Variants in TNFAIP8 observed in about 807,000 individuals in gnomAD.
TNFAIP8 encodes tumor necrosis factor alpha-induced protein 8.
Under a neutral mutation model 13.3 loss-of-function variants are expected in TNFAIP8, and 7 were observed. The ratio of observed to expected loss-of-function variants is 0.52; its 90% CI spans 0.30 to 0.99. The LOEUF is 0.99. TNFAIP8 is among the 50% of genes least tolerant of loss of function. The pLI is 0.07. For synonymous variants in TNFAIP8, 94 were observed against 87.6 expected, an observed-to-expected ratio of 1.07 and a Z score of -0.41; for missense variants, 258 against 236.9, an observed-to-expected ratio of 1.09 and a Z score of -0.58.
At chr5:119,302,791 C>T (rs1056597118) in intron 1 of TNFAIP8, among the ~76,000 whole-genome samples, 5 of 152,226 alleles carry the variant, frequency 3.3e-5, no homozygotes, top group African/African-American at 1.2e-4. Flanking sequence ...ACTCTCTTAT[C>T]ATATGCTGAG....
At chr5:119,368,458 TGC>T (rs61235714) in intron 1 of TNFAIP8, among the ~76,000 whole-genome samples, 4,710 of 94,442 alleles carry the variant, frequency 0.05, 288 homozygotes, top group African/African-American at 0.17. Flanking sequence ...TGTGTGTGTG[TGC>T]GTGTGTGTGT....
At chr5:119,307,350 C>T (rs902547478) in intron 1 of TNFAIP8, among the ~76,000 whole-genome samples, 1 of 152,106 alleles carries the variant, frequency 6.6e-6, no homozygotes, top group African/African-American at 2.4e-5. Flanking sequence ...TACATACAAG[C>T]AATTATATTT....
Position 119,369,187 on chromosome 5 carries a change from G to A in TNFAIP8, c.31+13066G>A, listed in dbSNP as rs925676217. ...TCCTCCCTCAGCCTCCCAAGTAGGT[G>A]GGATTATGGGCACCCATGACCATGC... On this transcript the variant is annotated intron_variant, in intron 1 of 1. Transcript: ENST00000504771. 3.3e-5 allele frequency among the ~76,000 whole-genome samples: 5 copies of A among 151,770 alleles called. No individual in the cohort carries two copies. In the South Asian group the frequency reaches 1.0e-3, roughly 32 times the overall value.
chr5:119,272,527 C>A (rs1421246775), intron 1 of TNFAIP8, among the ~76,000 whole-genome samples: 4 of 152,200 alleles, frequency 2.6e-5, no homozygotes, highest in African/African-American at 9.6e-5. Flanking sequence ...CAATAAGAAA[C>A]TCAAAAGAAG....
At chr5:119,339,974 A>C (rs1750683397) in intron 1 of TNFAIP8, among the ~76,000 whole-genome samples, 1 of 152,350 alleles carries the variant, frequency 6.6e-6, no homozygotes, top group Non-Finnish European at 1.5e-5. Flanking sequence ...AATCAGTCAT[A>C]GAGAGTTTCA....
At chr5:119,287,617 C>G (rs906619224) in intron 1 of TNFAIP8, among the ~76,000 whole-genome samples, 4 of 152,178 alleles carry the variant, frequency 2.6e-5, no homozygotes, top group Non-Finnish European at 5.9e-5. Flanking sequence ...CCAAACCCAG[C>G]CCCTGGCAGC....
intron 1 of TNFAIP8, among the ~76,000 whole-genome samples, 152 bp downstream of exon 1, chr5:119,356,273 C>T (rs899552741): frequency 6.6e-6 from 1 of 152,172 alleles, no homozygotes; most frequent in Non-Finnish European, 1.5e-5. Flanking sequence ...GCTGGATAAG[C>T]GGAGCCCGGG....
intron 1 of TNFAIP8, among the ~76,000 whole-genome samples, chr5:119,363,659 G>A (rs1209894320): frequency 6.6e-6 from 1 of 152,200 alleles, no homozygotes; most frequent in Admixed American, 6.5e-5. Context: ...TGCTGACACC[G>A]AATGTGAGAG....
In TNFAIP8 at chr5:119,316,355, C is replaced by T. The variant is rs114393771; in HGVS notation, c.1+47448C>T. The T allele has an allele frequency of 6.8e-3, 1,030 of 152,114 alleles. 10 individuals are homozygous for T. The highest frequency in any genetic ancestry group is 0.023 in the African/African-American group (966 of 41,488). The allele number at this position is 152,114 out of a possible 1,614,324, so 9.4% of individuals were successfully genotyped here. ...TCATATTTTTTGTAAGAAACGGTTT[C>T]GCCATGTTGCCTAGGCTCTTTTCGA... On this transcript the variant is annotated intron_variant, in intron 1 of 1. Transcript: ENST00000274456.
Position 119,393,449 on chromosome 5 carries a change from A to G in TNFAIP8, c.*68A>G, listed in dbSNP as rs1752979151. 1 of 1,380,028 alleles carries G rather than the reference A, an allele frequency of 7.2e-7. No individual in the cohort carries two copies. The highest frequency in any genetic ancestry group is 1.5e-5 in the African/African-American group (1 of 68,958). 85.5% of individuals were successfully genotyped at this position (1,380,028 alleles called of 1,614,324 possible). A position where few individuals can be genotyped will look rare whatever the true frequency, so the allele number is the denominator to read the frequency against. On this transcript the variant is annotated 3_prime_UTR_variant, in exon 2 of 2. Transcript: ENST00000504771. The stretch of plus-strand genomic sequence containing the variant: ...ATGGAGCACTGCTGATTTATGAAGG[A>G]AAAAAGAAGAATTTTCTAAAGATTA...
chr5:119,354,801 G>A (rs1490758385), upstream of TNFAIP8: 1 of 155,130 alleles, frequency 6.4e-6, no homozygotes, highest in East Asian at 1.9e-4. Context: ...TCTTTTGTAC[G>A]TTCTTTTCAC....
intron 1 of TNFAIP8, among the ~76,000 whole-genome samples, chr5:119,278,352 G>GAGAGAGAGA: frequency 8.1e-6 from 1 of 123,210 alleles, no homozygotes; most frequent in African/African-American, 3.5e-5. Flanking sequence ...ACAGGAAGGG[G>GAGAGAGAGA]GAGAGAGAGA....
chr5:119,387,196 C>T (rs923100241), intron 1 of TNFAIP8, among the ~76,000 whole-genome samples: 13 of 152,088 alleles, frequency 8.5e-5, no homozygotes, highest in African/African-American at 2.9e-4. Flanking sequence ...TGACAGGGTT[C>T]GTTGTTTGTT....
At chr5:119,307,162 C>A (rs1266799127) in intron 1 of TNFAIP8, among the ~76,000 whole-genome samples, 1 of 152,168 alleles carries the variant, frequency 6.6e-6, no homozygotes, top group African/African-American at 2.4e-5. Context: ...AAATCTACTT[C>A]ATTCTTTTTC....
At chr5:119,314,842 C>T (rs998632213) in intron 1 of TNFAIP8, among the ~76,000 whole-genome samples, 1 of 152,140 alleles carries the variant, frequency 6.6e-6, no homozygotes, top group South Asian at 2.1e-4. Context: ...GCATGTATGG[C>T]GCATAGTAAA....
At chr5:119,390,926 C>T (rs1346904145) in intron 1 of TNFAIP8, among the ~76,000 whole-genome samples, 2 of 152,056 alleles carry the variant, frequency 1.3e-5, no homozygotes, top group Non-Finnish European at 2.9e-5. Flanking sequence ...TCAGATTATT[C>T]TCCCACCTCC....
At chr5:119,276,517 G>C (rs1193614539) in intron 1 of TNFAIP8, among the ~76,000 whole-genome samples, 1 of 152,158 alleles carries the variant, frequency 6.6e-6, no homozygotes, top group Non-Finnish European at 1.5e-5. Flanking sequence ...CCACAGACTG[G>C]TGGCTTAAAC....
At chr5:119,295,351 T>C (rs906141520) in intron 1 of TNFAIP8, among the ~76,000 whole-genome samples, 1 of 151,956 alleles carries the variant, frequency 6.6e-6, no homozygotes, top group Non-Finnish European at 1.5e-5. Context: ...TACATATGGC[T>C]AGCCAGTTTT....
At position 119,398,815 on chromosome 5, in the gene TNFAIP8, A is replaced by G. The variant is rs1477084713; in HGVS notation, c.*5434A>G. On this transcript the variant is annotated 3_prime_UTR_variant, in exon 2 of 2. Transcript: ENST00000504771. ...ATCTATATTGTTACCATTATCTGGG[A>G]TAATTGATGATTTATAAGAAGCTGA... 6.6e-6 allele frequency: 1 copy of G among 152,232 alleles called. No homozygotes were observed. Among genetic ancestry groups the G allele is most frequent in the Non-Finnish European group, 1.5e-5 (1 of 68,042 alleles). The allele number at this position is 152,232 out of a possible 1,614,324, so 9.4% of individuals were successfully genotyped here. A position where few individuals can be genotyped will look rare whatever the true frequency, so the allele number is the denominator to read the frequency against.
Sources: allele counts gnomAD v4.1 joint callset (sites outside exome capture counted in the v4.1 genomes callset), GRCh38; gene constraint gnomAD v4.1.1; transcripts MANE v1.5; gene names NCBI Gene and HGNC (gene_info 2026-07-23, HGNC 2026-07-21).